Variants in TTC39B observed in about 807,000 individuals in gnomAD.
TTC39B encodes the protein tetratricopeptide repeat protein 39B.
TTC39B carries 92 observed loss-of-function variants against 96.6 expected under a neutral mutation model. The observed-to-expected ratio is 0.95, with a 90% confidence interval of 0.80 to 1.13. TTC39B has a LOEUF of 1.13. Ranked by LOEUF, TTC39B falls within the 50% of genes most tolerant of loss-of-function variation. TTC39B has a pLI of 0.00. For synonymous variants in TTC39B, 367 were observed against 299.4 expected (o/e 1.23, Z -2.33); for missense variants, 955 against 809.3 (o/e 1.18, Z -2.18).
intron 1 of TTC39B, among the ~76,000 whole-genome samples, chr9:15,277,352 C>T (rs12345046): frequency 2.0e-5 from 3 of 152,074 alleles, no homozygotes; most frequent in Admixed American, 6.5e-5. Context: ...TGCTTGAACC[C>T]GGGAGGCAGC....
chr9:15,250,126 G>A (rs1822467654), intron 2 of TTC39B: 1 of 1,239,694 alleles, frequency 8.1e-7, no homozygotes, highest in Non-Finnish European at 1.0e-6. Flanking sequence ...TAGTTGCCGA[G>A]GCAGCTGACA....
At chr9:15,233,695 T>C (rs1821576636) in intron 2 of TTC39B, among the ~76,000 whole-genome samples, 1 of 152,182 alleles carries the variant, frequency 6.6e-6, no homozygotes, top group Admixed American at 6.5e-5. Context: ...TGGCGTGATC[T>C]CGGCTCGCTA....
chr9:15,173,263 C>T (rs1817756404), intron 19 of TTC39B, among the ~76,000 whole-genome samples: 1 of 152,144 alleles, frequency 6.6e-6, no homozygotes, highest in African/African-American at 2.4e-5. Context: ...ATACTCCCAA[C>T]AAATTAACTT....
chr9:15,280,519 A>C (rs1823719668), intron 1 of TTC39B, among the ~76,000 whole-genome samples: 1 of 152,260 alleles, frequency 6.6e-6, no homozygotes, highest in African/African-American at 2.4e-5. Context: ...TCAAGATTTA[A>C]ATTCAAGGGA....
chr9:15,172,178 T>C, intron 19 of TTC39B, 69 bp from the exon 20 acceptor site: 1 of 1,020,658 alleles, frequency 9.8e-7, no homozygotes, highest in Non-Finnish European at 1.5e-6. Flanking sequence ...CACTCTCCCA[T>C]TCCTCTCTCT....
intron 2 of TTC39B, among the ~76,000 whole-genome samples, chr9:15,264,137 T>C (rs986599010): frequency 6.6e-6 from 1 of 152,148 alleles, no homozygotes; most frequent in African/African-American, 2.4e-5. Flanking sequence ...AGAAAAACTA[T>C]AACAGAGTTG....
At chr9:15,254,397 G>C (rs559340828) in intron 2 of TTC39B, among the ~76,000 whole-genome samples, 1 of 152,154 alleles carries the variant, frequency 6.6e-6, no homozygotes, top group South Asian at 2.1e-4. Flanking sequence ...CATCATGAAA[G>C]AAATAATGCT....
chr9:15,208,734 A>G (rs1231645209), intron 6 of TTC39B, among the ~76,000 whole-genome samples: 1 of 152,174 alleles, frequency 6.6e-6, no homozygotes, highest in African/African-American at 2.4e-5. Flanking sequence ...CTGTTTGACC[A>G]TGGTTTTGGG....
At chr9:15,254,520 A>C (rs1322440055) in intron 2 of TTC39B, among the ~76,000 whole-genome samples, 1 of 152,190 alleles carries the variant, frequency 6.6e-6, no homozygotes, top group African/African-American at 2.4e-5. Context: ...TGTAGGTTAA[A>C]TACATATTAC....
At chr9:15,230,616 T>C (rs890832336) in intron 2 of TTC39B, among the ~76,000 whole-genome samples, 9 of 152,218 alleles carry the variant, frequency 5.9e-5, no homozygotes, top group African/African-American at 1.9e-4. Flanking sequence ...ATTTTGTTAG[T>C]CATTTGTTGA....
At chr9:15,287,523 C>T (rs1413242178) in intron 1 of TTC39B, among the ~76,000 whole-genome samples, 1 of 152,150 alleles carries the variant, frequency 6.6e-6, no homozygotes, top group Non-Finnish European at 1.5e-5. Context: ...AATGTCAGAG[C>T]CTAATCTATT....
chr9:15,245,430 C>A (rs1217381821), intron 2 of TTC39B, among the ~76,000 whole-genome samples: 1 of 152,078 alleles, frequency 6.6e-6, no homozygotes, highest in Non-Finnish European at 1.5e-5. Context: ...AGTTAATGTG[C>A]TGTATTTATT....
chr9:15,188,180 G>A, intron 13 of TTC39B, 48 bp from the exon 14 acceptor site: 1 of 1,509,548 alleles, frequency 6.6e-7, no homozygotes, highest in Non-Finnish European at 8.9e-7. Flanking sequence ...TAGACAAGGA[G>A]ATAATAACCT....
intron 6 of TTC39B, among the ~76,000 whole-genome samples, chr9:15,207,809 C>T (rs375505032): frequency 7.1e-4 from 108 of 151,252 alleles, no homozygotes; most frequent in African/African-American, 2.5e-3. Flanking sequence ...GTGGTGAAAC[C>T]CCGTCTCTAC....
intron 2 of TTC39B, among the ~76,000 whole-genome samples, chr9:15,253,298 A>G (rs1822631919): frequency 6.6e-6 from 1 of 152,246 alleles, no homozygotes; most frequent in Non-Finnish European, 1.5e-5. Context: ...AGAGACACAA[A>G]AAAACAGAAG....
intron 1 of TTC39B, among the ~76,000 whole-genome samples, chr9:15,300,055 G>A (rs1384716884): frequency 1.3e-5 from 2 of 152,106 alleles, no homozygotes; most frequent in African/African-American, 2.4e-5. Context: ...TGGGACTGAC[G>A]GTAAAGTGAT....
At chr9:15,267,138 C>A (rs1823165842) in intron 2 of TTC39B, among the ~76,000 whole-genome samples, 1 of 152,282 alleles carries the variant, frequency 6.6e-6, no homozygotes, top group Non-Finnish European at 1.5e-5. Context: ...AAGAACACAA[C>A]AAGGAGGCAG....
At chr9:15,234,420 C>G (rs572894558) in intron 2 of TTC39B, among the ~76,000 whole-genome samples, 1 of 149,616 alleles carries the variant, frequency 6.7e-6, no homozygotes, top group Non-Finnish European at 1.5e-5. Flanking sequence ...GGGTCAGCCC[C>G]CCGCCCGGCC....
chr9:15,234,864 T>G (rs1287140707), intron 2 of TTC39B, among the ~76,000 whole-genome samples: 2 of 151,912 alleles, frequency 1.3e-5, no homozygotes, highest in Non-Finnish European at 2.9e-5. Flanking sequence ...CACTCCCTAA[T>G]CTTAAGTACC....
Sources: gnomAD v4.1 joint callset for allele counts (sites outside exome capture counted in the v4.1 genomes callset) on GRCh38, gnomAD v4.1.1 for gene constraint, MANE v1.5 for transcripts, NCBI Gene and HGNC (gene_info 2026-07-23, HGNC 2026-07-21) for gene names.